The following LDLRAD4 variants were observed in gnomAD, a reference collection of about 807,000 sequenced individuals.
The protein encoded by LDLRAD4 is low-density lipoprotein receptor class A domain-containing protein 4.
LDLRAD4 carries 5 observed loss-of-function variants against 17.0 expected under a neutral mutation model. That is an observed-to-expected ratio of 0.29 (90% CI 0.15 to 0.62). The LOEUF is 0.62. Among genes scored for constraint, LDLRAD4 ranks in the 20% least tolerant of loss-of-function variants. The pLI is 0.84. For synonymous variants in LDLRAD4, 168 were observed against 171.8 expected, an observed-to-expected ratio of 0.98 and a Z score of 0.17; for missense variants, 340 against 424.7, an observed-to-expected ratio of 0.80 and a Z score of 1.75.
At chr18:13,295,293 G>A (rs1010473176) in intron 1 of LDLRAD4, among the ~76,000 whole-genome samples, 47 of 152,334 alleles carry the variant, frequency 3.1e-4, no homozygotes, top group Admixed American at 8.5e-4. Flanking sequence ...AAGCTGAGCT[G>A]GACCTTGTGG....
intron 3 of LDLRAD4, among the ~76,000 whole-genome samples, chr18:13,458,724 G>T (rs1379610386): frequency 3.3e-5 from 5 of 152,244 alleles, no homozygotes; most frequent in Admixed American, 3.3e-4. Context: ...CAGGCCTGGA[G>T]ACATGAGTCC....
At chr18:13,503,070 C>T (rs2093637603) in intron 3 of LDLRAD4, among the ~76,000 whole-genome samples, 1 of 152,244 alleles carries the variant, frequency 6.6e-6, no homozygotes, top group Non-Finnish European at 1.5e-5. Context: ...GTTTCGACTG[C>T]ATGAATTCTG....
At chr18:13,383,308 T>C (rs575418885) in intron 1 of LDLRAD4, among the ~76,000 whole-genome samples, 10 of 152,318 alleles carry the variant, frequency 6.6e-5, no homozygotes, top group African/African-American at 2.2e-4. Flanking sequence ...GGCCACTGCC[T>C]TTGCTCTCAT....
intron 2 of LDLRAD4, among the ~76,000 whole-genome samples, chr18:13,431,443 C>T (rs1381744266): frequency 6.6e-6 from 1 of 152,204 alleles, no homozygotes. Context: ...CTTTCAAGCC[C>T]TGAAGGACTT....
At chr18:13,626,526 C>G (rs566992944) in intron 4 of LDLRAD4, among the ~76,000 whole-genome samples, 2 of 152,190 alleles carry the variant, frequency 1.3e-5, no homozygotes, top group Non-Finnish European at 2.9e-5. Context: ...GGACAGGGAC[C>G]TTTACCCAGA....
intron 3 of LDLRAD4, among the ~76,000 whole-genome samples, chr18:13,598,032 G>C (rs1045493114): frequency 9.9e-5 from 15 of 152,164 alleles, no homozygotes; most frequent in African/African-American, 3.6e-4. Flanking sequence ...CCTCCCACAG[G>C]TAGTTTCTAT....
At chr18:13,299,505 G>A (rs1490197678) in intron 1 of LDLRAD4, among the ~76,000 whole-genome samples, 1 of 152,144 alleles carries the variant, frequency 6.6e-6, no homozygotes, top group African/African-American at 2.4e-5. Flanking sequence ...CTGTGACACA[G>A]CCTTTTATTT....
chr18:13,630,087 C>T (rs1179615896), intron 4 of LDLRAD4, among the ~76,000 whole-genome samples: 1 of 152,014 alleles, frequency 6.6e-6, no homozygotes, highest in African/African-American at 2.4e-5. Context: ...CTAACCCCAG[C>T]ACCAAGCTGG....
At chr18:13,539,243 G>C (rs1281414548) in intron 3 of LDLRAD4, among the ~76,000 whole-genome samples, 4 of 152,166 alleles carry the variant, frequency 2.6e-5, no homozygotes, top group African/African-American at 2.4e-5. Context: ...TGGGTGGGGA[G>C]CATGTGACTG....
At chr18:13,281,785 C>G (rs2045294296) in intron 1 of LDLRAD4, among the ~76,000 whole-genome samples, 1 of 152,160 alleles carries the variant, frequency 6.6e-6, no homozygotes, top group South Asian at 2.1e-4. Flanking sequence ...CCTCCTGTCT[C>G]CTCCCGGACC....
intron 2 of LDLRAD4, among the ~76,000 whole-genome samples, chr18:13,435,701 G>T (rs906713202): frequency 1.3e-5 from 2 of 152,320 alleles, no homozygotes; most frequent in East Asian, 3.9e-4. Flanking sequence ...TCCTGCCTCT[G>T]CCTCCCAAGT....
chr18:13,266,500 A>G (rs1335887132), intron 1 of LDLRAD4, among the ~76,000 whole-genome samples: 1 of 152,230 alleles, frequency 6.6e-6, no homozygotes, highest in East Asian at 1.9e-4. Context: ...TCAGGTGTCC[A>G]GAGGCGGGAG....
intron 3 of LDLRAD4, among the ~76,000 whole-genome samples, chr18:13,536,930 A>C (rs541182762): frequency 1.3e-5 from 2 of 152,302 alleles, no homozygotes; most frequent in South Asian, 4.1e-4. Context: ...GTATTGATTA[A>C]GTTTTCAGAT....
chr18:13,584,715 G>T (rs868506740), intron 3 of LDLRAD4, among the ~76,000 whole-genome samples: 2 of 152,196 alleles, frequency 1.3e-5, no homozygotes, highest in South Asian at 4.1e-4. Flanking sequence ...AGAGTGTGCT[G>T]TGGGGAAGAA....
intron 1 of LDLRAD4, among the ~76,000 whole-genome samples, chr18:13,270,092 G>A (rs1015580630): frequency 6.6e-6 from 1 of 152,218 alleles, no homozygotes; most frequent in Non-Finnish European, 1.5e-5. Context: ...GCTGGGCATG[G>A]TGGCTCACAT....
chr18:13,448,408 C>G (rs545561707), intron 3 of LDLRAD4, among the ~76,000 whole-genome samples: 1 of 152,262 alleles, frequency 6.6e-6, no homozygotes, highest in African/African-American at 2.4e-5. Context: ...CATGCTGGGT[C>G]TCTTCCGGGC....
chr18:13,433,763 T>C (rs1172702523), intron 2 of LDLRAD4, among the ~76,000 whole-genome samples: 1 of 152,172 alleles, frequency 6.6e-6, no homozygotes, highest in African/African-American at 2.4e-5. Context: ...TCCCCCCTAG[T>C]TTTAGGGCTC....
chr18:13,296,728 A>G (rs575465693), intron 1 of LDLRAD4, among the ~76,000 whole-genome samples: 1 of 152,336 alleles, frequency 6.6e-6, no homozygotes, highest in South Asian at 2.1e-4. Context: ...AATAAAAACA[A>G]GAAAATTTAG....
intron 3 of LDLRAD4, among the ~76,000 whole-genome samples, chr18:13,452,799 A>G (rs1022188557): frequency 6.6e-6 from 1 of 152,160 alleles, no homozygotes; most frequent in African/African-American, 2.4e-5. Context: ...TGTTAGAACA[A>G]CCATATGTGA....
Sources: allele counts gnomAD v4.1 joint callset (sites outside exome capture counted in the v4.1 genomes callset), GRCh38; gene constraint gnomAD v4.1.1; transcripts MANE v1.5; gene names NCBI Gene and HGNC (gene_info 2026-07-23, HGNC 2026-07-21).